Variants in PDE9A observed in about 807,000 individuals in gnomAD.
PDE9A encodes the protein high affinity cGMP-specific 3',5'-cyclic phosphodiesterase 9A.
PDE9A carries 60 observed loss-of-function variants against 87.4 expected under a neutral mutation model. The observed-to-expected ratio is 0.69, with a 90% CI of 0.56 to 0.85. PDE9A has a LOEUF of 0.85. Among genes scored for constraint, PDE9A ranks in the 40% least tolerant of loss-of-function variants. The pLI, the probability that PDE9A is intolerant of heterozygous loss-of-function variation, is 0.00. For missense variants in PDE9A, 665 were observed against 779.0 expected (o/e 0.85, Z 1.74); for synonymous variants, 272 against 279.4 (o/e 0.97, Z 0.27).
At chr21:42,684,631 A>G (rs2059346548) in intron 1 of PDE9A, among the ~76,000 whole-genome samples, 2 of 152,232 alleles carry the variant, frequency 1.3e-5, no homozygotes, top group African/African-American at 4.8e-5. Flanking sequence ...AGGAGCCAGC[A>G]GAGTCCTGCA....
At chr21:42,744,843 A>C (rs527882864) in intron 8 of PDE9A, among the ~76,000 whole-genome samples, 7 of 152,324 alleles carry the variant, frequency 4.6e-5, no homozygotes, top group Non-Finnish European at 8.8e-5. Context: ...AGCAGAGCGC[A>C]TGCATTGAGG....
Position 42,694,788 on chromosome 21 carries a change from C to T in PDE9A, c.219-4180C>T, listed in dbSNP as rs2060053591. Among the ~76,000 whole-genome samples the T allele has an allele frequency of 6.6e-6, 1 of 152,172 alleles. No individual in the cohort carries two copies. Among genetic ancestry groups the T allele is most frequent in the Non-Finnish European group, 1.5e-5 (1 of 68,032 alleles). On this transcript the variant is annotated intron_variant, in intron 3 of 19. Transcript: ENST00000291539. The surrounding 1 kb of genome is among the most constrained non-coding windows in gnomAD (Gnocchi z 5.3). ...CAAACACACTTTCATCCCATCACTC[C>T]CAGCATGGAGTTCTCCAGTGGCCTG...
intron 4 of PDE9A, among the ~76,000 whole-genome samples, chr21:42,718,166 G>A (rs2050140937): frequency 1.3e-5 from 2 of 151,750 alleles, no homozygotes; most frequent in Non-Finnish European, 2.9e-5. Flanking sequence ...CTCCCAAAGT[G>A]CTAGGATTAC....
Position 42,696,002 on chromosome 21 carries a change from T to C in PDE9A, c.219-2966T>C, listed in dbSNP as rs1372344584. Among the ~76,000 whole-genome samples the C allele has an allele frequency of 6.6e-6, 1 of 152,150 alleles. No homozygotes were observed. Among genetic ancestry groups the C allele is most frequent in the Non-Finnish European group, 1.5e-5 (1 of 68,026 alleles). On this transcript the variant is annotated intron_variant, in intron 3 of 19. Transcript: ENST00000291539. The surrounding 1 kb of genome is among the most constrained non-coding windows in gnomAD (Gnocchi z 5.1). ...AGGTTTCTGCAGCCTCCTGGAGCAT[T>C]CACAGAGGCTCCCTGTCCGTCCACT...
At chr21:42,658,959 G>C (rs1353944129) in intron 1 of PDE9A, among the ~76,000 whole-genome samples, 1 of 152,116 alleles carries the variant, frequency 6.6e-6, no homozygotes, top group Admixed American at 6.5e-5. Flanking sequence ...CTGACCCCTG[G>C]CTGGGGACGA....
intron 1 of PDE9A, among the ~76,000 whole-genome samples, chr21:42,670,235 TCACACTCA>T (rs2058365292): frequency 2.4e-5 from 3 of 126,738 alleles, no homozygotes; most frequent in South Asian, 2.2e-4. Flanking sequence ...ACACTTACAT[TCACACTCA>T]TACACATACA....
chr21:42,703,143 C>G (rs2048512811), intron 4 of PDE9A, among the ~76,000 whole-genome samples: 1 of 152,200 alleles, frequency 6.6e-6, no homozygotes, highest in Admixed American at 6.5e-5. Context: ...GAGACCCATC[C>G]GGGGCTTCTT....
Position 42,760,769 on chromosome 21 carries a change from C to A in PDE9A, c.1003-56C>A. On this transcript the variant is annotated intron_variant, in intron 12 of 19. Coordinates refer to ENST00000291539, the MANE Select transcript of PDE9A (RefSeq NM_002606.3). This position sits in a 1 kb window ranked among gnomAD's most constrained non-coding sequence, Gnocchi z 5.2. Reference sequence around the variant, plus strand: ...TCACCCAATTCCACCCCCCCTCACCCCATCCCACCCTCCGAGTGAAGAGAG... The same window carrying A: ...TCACCCAATTCCACCCCCCCTCACCACATCCCACCCTCCGAGTGAAGAGAG... The A allele has an allele frequency of 2.1e-6, 2 of 968,766 alleles. No homozygotes were observed. Among genetic ancestry groups the A allele is most frequent in the South Asian group, 1.3e-5 (1 of 76,952 alleles). 60.0% of individuals were successfully genotyped at this position (968,766 alleles called of 1,614,324 possible).
intron 1 of PDE9A, among the ~76,000 whole-genome samples, chr21:42,663,321 TCACA>T (rs1484284011): frequency 2.7e-5 from 4 of 149,420 alleles, no homozygotes; most frequent in African/African-American, 9.9e-5. Flanking sequence ...CGCGCACACA[TCACA>T]CACATGCACA....
intron 18 of PDE9A, 152 bp from the exon 19 acceptor site, chr21:42,772,287 C>G (rs1413153097): frequency 5.0e-6 from 3 of 600,322 alleles, no homozygotes; most frequent in Non-Finnish European, 8.9e-6. Flanking sequence ...CTCTGAAAAG[C>G]CCATGTCAGG....
At chr21:42,740,703 A>AGTAG (rs766029916) in intron 7 of PDE9A, among the ~76,000 whole-genome samples, 3 of 117,124 alleles carry the variant, frequency 2.6e-5, no homozygotes, top group South Asian at 5.8e-4. Flanking sequence ...GTAGGTAGGT[A>AGTAG]GTAGATAGAT....
At chr21:42,753,836 C>T (rs756759315) in intron 9 of PDE9A, among the ~76,000 whole-genome samples, 154 bp from the exon 10 acceptor site, 19 of 139,818 alleles carry the variant, frequency 1.4e-4, no homozygotes, top group Non-Finnish European at 2.7e-4. Context: ...TGCACTCCAG[C>T]GTGGGCAAGA....
In PDE9A at chr21:42,760,725, T is replaced by A; in HGVS notation, c.1003-100T>A. 2 of 740,464 alleles carry A rather than the reference T, an allele frequency of 2.7e-6. No homozygotes were observed. Among genetic ancestry groups the A allele is most frequent in the Non-Finnish European group, 4.8e-6 (2 of 414,322 alleles). 45.9% of individuals were successfully genotyped at this position (740,464 alleles called of 1,614,324 possible). On this transcript the variant is annotated intron_variant, in intron 12 of 19. Coordinates refer to ENST00000291539, the MANE Select transcript of PDE9A (RefSeq NM_002606.3). The surrounding 1 kb of genome is among the most constrained non-coding windows in gnomAD (Gnocchi z 5.2). ...GAGATGCCAGATGGCTGCAGGGGCC[T>A]TTGTCCCCCGCTTACCACTCACCCA... is the stretch of plus-strand genomic sequence containing the variant.
chr21:42,764,836 A>C (rs35619334), intron 14 of PDE9A, among the ~76,000 whole-genome samples: 5,548 of 152,140 alleles, frequency 0.036, 149 homozygotes, highest in Middle Eastern at 0.096. Flanking sequence ...TGATCCCCCC[A>C]AAAAAATATA....
rs1601865754 is a variant in PDE9A at position 42,660,531 on chromosome 21, G to A, written c.69+6648G>A. ...CCACGCTCTGGGTACCGTGTACACCGCTCGGGTGACAGTGCACCAGAATCT... is the reference window on the plus strand; with the variant it reads ...CCACGCTCTGGGTACCGTGTACACCACTCGGGTGACAGTGCACCAGAATCT... On this transcript the variant is annotated intron_variant, in intron 1 of 19. Transcript: ENST00000291539. This position sits in a 1 kb window ranked among gnomAD's most constrained non-coding sequence, Gnocchi z 4.7. 6.6e-6 allele frequency among the ~76,000 whole-genome samples: 1 copy of A among 151,690 alleles called. No homozygotes were observed. The highest frequency in any genetic ancestry group is 6.6e-5 in the Admixed American group (1 of 15,218).
chr21:42,770,949 G>A lies in PDE9A; in HGVS notation c.1686+151G>A. 3 of 621,338 alleles carry A rather than the reference G, an allele frequency of 4.8e-6. No homozygotes were observed. In the South Asian group the frequency reaches 5.7e-5, roughly 12 times the overall value. The allele number at this position is 621,338 out of a possible 1,614,324, so 38.5% of individuals were successfully genotyped here. On this transcript the variant is annotated intron_variant, in intron 18 of 19. Transcript: ENST00000291539. ...CGTGTACCTTCCATCAGAAAGCCTG[G>A]CTCAGTAAAATTAGGGAATGCGATG...
At chr21:42,686,533 T>C (rs2059484743) in intron 2 of PDE9A, among the ~76,000 whole-genome samples, 1 of 152,102 alleles carries the variant, frequency 6.6e-6, no homozygotes, top group South Asian at 2.1e-4. Context: ...TGGGTTTTTC[T>C]GCCGGGCGTG....
rs1489646351 is a variant in PDE9A at position 42,760,758 on chromosome 21, C to T, written c.1003-67C>T. On this transcript the variant is annotated intron_variant, in intron 12 of 19. Coordinates refer to ENST00000291539, the MANE Select transcript of PDE9A (RefSeq NM_002606.3). This position sits in a 1 kb window ranked among gnomAD's most constrained non-coding sequence, Gnocchi z 5.2. ...CCGCTTACCACTCACCCAATTCCAC[C>T]CCCCCTCACCCCATCCCACCCTCCG... The T allele has an allele frequency of 6.1e-5, 12 of 197,672 alleles. No individual in the cohort carries two copies. Among genetic ancestry groups the T allele is most frequent in the Middle Eastern group, 6.7e-4 (1 of 1,502 alleles). The allele number at this position is 197,672 out of a possible 1,614,324, so 12.2% of individuals were successfully genotyped here.
At position 42,675,394 on chromosome 21, in the gene PDE9A, GGGTATAAAT is replaced by G. The variant is rs1390689624; in HGVS notation, c.70-10797_70-10789del. On this transcript the variant is annotated intron_variant, in intron 1 of 19. Transcript: ENST00000291539. This position sits in a 1 kb window ranked among gnomAD's most constrained non-coding sequence, Gnocchi z 4.3. ...GCAGGGCAGCGCAGGGCATTGGTTG[GGGTATAAAT>G]CCGGGGGTGCAGTGGAGATTAGATT... Among the ~76,000 whole-genome samples, 1 of 152,220 alleles carries G rather than the reference GGGTATAAAT, an allele frequency of 6.6e-6. No homozygotes were observed. The highest frequency in any genetic ancestry group is 1.5e-5 in the Non-Finnish European group (1 of 68,032).
Sources: allele counts gnomAD v4.1 joint callset (sites outside exome capture counted in the v4.1 genomes callset), GRCh38; gene constraint gnomAD v4.1.1; non-coding constraint Gnocchi (gnomAD v3.1); transcripts MANE v1.5; gene names NCBI Gene and HGNC (gene_info 2026-07-23, HGNC 2026-07-21).